INPP5K: variants seen among roughly 807,000 people sequenced by gnomAD.
INPP5K encodes the protein inositol polyphosphate-5-phosphatase K.
In INPP5K, 35 loss-of-function variants were observed where a neutral mutation model predicts 53.5. That is an observed-to-expected ratio of 0.65 (90% CI 0.50 to 0.87). The LOEUF is 0.87. INPP5K is among the 40% of genes least tolerant of loss of function. The pLI is 0.00. For missense variants in INPP5K, 550 were observed against 586.2 expected, an observed-to-expected ratio of 0.94 and a Z score of 0.64; for synonymous variants, 253 against 232.8, an observed-to-expected ratio of 1.09 and a Z score of -0.79.
intron 7 of INPP5K, among the ~76,000 whole-genome samples, chr17:1,499,251 G>A (rs562032864): frequency 3.3e-5 from 5 of 152,066 alleles, no homozygotes; most frequent in East Asian, 1.9e-4. Flanking sequence ...CGGTGCTCAC[G>A]CCTGTAATCC....
chr17:1,499,662 A>G (rs1474703157), intron 7 of INPP5K, among the ~76,000 whole-genome samples: 3 of 152,194 alleles, frequency 2.0e-5, no homozygotes, highest in Non-Finnish European at 4.4e-5. Flanking sequence ...TTCCGAAGCA[A>G]CTACTGTGGC....
chr17:1,496,256 C>T, intron 10 of INPP5K, 63 bp downstream of exon 10: 1 of 1,503,988 alleles, frequency 6.6e-7, no homozygotes, highest in African/African-American at 1.4e-5. Flanking sequence ...CTGTTCCTTC[C>T]ACAAGACAGG....
chr17:1,510,329 G>C (rs543325249), intron 3 of INPP5K: 3 of 152,314 alleles, frequency 2.0e-5, no homozygotes, highest in Admixed American at 6.5e-5. Context: ...TGATTCTCCT[G>C]TCTCAGCTTC....
chr17:1,499,251 G>C (rs562032864), intron 7 of INPP5K, among the ~76,000 whole-genome samples: 7 of 152,184 alleles, frequency 4.6e-5, no homozygotes, highest in Admixed American at 3.3e-4. Context: ...CGGTGCTCAC[G>C]CCTGTAATCC....
At chr17:1,504,006 C>T (rs542702431) in intron 7 of INPP5K, among the ~76,000 whole-genome samples, 1 of 152,334 alleles carries the variant, frequency 6.6e-6, no homozygotes, top group East Asian at 1.9e-4. Flanking sequence ...AACTCTGTGC[C>T]TCCTTCAAGA....
At chr17:1,507,864 T>G (rs74251973) in intron 6 of INPP5K, among the ~76,000 whole-genome samples, 17,997 of 152,074 alleles carry the variant, frequency 0.12, 1,181 homozygotes, top group East Asian at 0.14. Flanking sequence ...CTTTTTTAAA[T>G]AATTCATTTC....
chr17:1,505,551 C>G (rs1168705850), intron 7 of INPP5K, among the ~76,000 whole-genome samples: 1 of 152,168 alleles, frequency 6.6e-6, no homozygotes, highest in Non-Finnish European at 1.5e-5. Flanking sequence ...CCTTCCCCAG[C>G]GTCCACTGCC....
Position 1,503,442 on chromosome 17 carries a change from C to A in INPP5K, c.776+3538G>T, listed in dbSNP as rs372637768. Among the ~76,000 whole-genome samples, 10 of 152,252 alleles carry A rather than the reference C, an allele frequency of 6.6e-5. No individual in the cohort carries two copies. In the East Asian group the frequency reaches 1.9e-3, roughly 29 times the overall value. ...CTCGTGATCCACCCGCCTGGCCTCC[C>A]AAAGTGCTGGGATTTCAGGCGTGAG... On this transcript the variant is annotated intron_variant, in intron 7 of 11. Coordinates refer to ENST00000421807, the MANE Select transcript of INPP5K (RefSeq NM_016532.4).
intron 7 of INPP5K, among the ~76,000 whole-genome samples, chr17:1,498,372 T>C (rs1204719343): frequency 6.6e-6 from 1 of 152,128 alleles, no homozygotes; most frequent in East Asian, 1.9e-4. Flanking sequence ...TTTTTATGGA[T>C]CAAATTGTGA....
chr17:1,497,331 C>T (rs995013351), intron 8 of INPP5K, among the ~76,000 whole-genome samples: 1 of 152,128 alleles, frequency 6.6e-6, no homozygotes, highest in Non-Finnish European at 1.5e-5. Flanking sequence ...AACAGCCAGG[C>T]GTGGTGGCGT....
At chr17:1,503,900 C>A (rs1451615727) in intron 7 of INPP5K, among the ~76,000 whole-genome samples, 1 of 152,182 alleles carries the variant, frequency 6.6e-6, no homozygotes, top group Non-Finnish European at 1.5e-5. Flanking sequence ...GCCCAGCACA[C>A]TAACGCTCAC....
At position 1,509,663 on chromosome 17, in the gene INPP5K, G is replaced by A; in HGVS notation, c.378+20C>T. On this transcript the variant is annotated intron_variant, in intron 4 of 11. Transcript: ENST00000421807. ...CCAGCCCTTCCCAGCTCACGACTCAGACAATAGCTCAGTCCTTACCCAGTA... is the reference window on the plus strand; with the variant it reads ...CCAGCCCTTCCCAGCTCACGACTCAAACAATAGCTCAGTCCTTACCCAGTA... 6.8e-7 allele frequency: 1 copy of A among 1,467,842 alleles called. No homozygotes were observed. Among genetic ancestry groups the A allele is most frequent in the African/African-American group, 1.4e-5 (1 of 71,996 alleles). The allele number at this position is 1,467,842 out of a possible 1,614,324, so 90.9% of individuals were successfully genotyped here.
intron 10 of INPP5K, 72 bp downstream of exon 10, chr17:1,496,247 T>C: frequency 1.3e-6 from 2 of 1,494,026 alleles, no homozygotes; most frequent in East Asian, 2.4e-5. Context: ...TTCAGCACTC[T>C]GTTCCTTCCA....
At chr17:1,495,989 G>T in intron 11 of INPP5K, 71 bp downstream of exon 11, 1 of 1,413,052 alleles carries the variant, frequency 7.1e-7, no homozygotes, top group Non-Finnish European at 1.0e-6. Context: ...TGGCTCCCAG[G>T]CCTGGGCCTC....
At chr17:1,508,260 G>C (rs745850389) in intron 5 of INPP5K, 34 bp from the exon 6 acceptor site, 1 of 1,531,998 alleles carries the variant, frequency 6.5e-7, no homozygotes, top group Non-Finnish European at 9.0e-7. Flanking sequence ...CTGAGGATTT[G>C]TGATGAAGTC....
In INPP5K at chr17:1,516,524, G is replaced by T. The variant is rs1394329886; in HGVS notation, c.-25C>A. ...TGGCCGCCGTCGTCCCCGCGCGGTG[G>T]TCCGGCAGGTTCGCGTCTCCCGGCC... is the stretch of plus-strand genomic sequence containing the variant. On this transcript the variant is annotated 5_prime_UTR_variant, in exon 1 of 12. Coordinates refer to ENST00000421807, the MANE Select transcript of INPP5K (RefSeq NM_016532.4). 6.4e-7 allele frequency: 1 copy of T among 1,555,792 alleles called. No individual in the cohort carries two copies. The highest frequency in any genetic ancestry group is 1.8e-5 in the Admixed American group (1 of 54,874).
intron 8 of INPP5K, among the ~76,000 whole-genome samples, chr17:1,497,484 A>G (rs756754446): frequency 6.6e-6 from 1 of 152,006 alleles, no homozygotes; most frequent in Non-Finnish European, 1.5e-5. Flanking sequence ...ACACACACAC[A>G]CGCCAGTAAA....
At chr17:1,513,718 G>T (rs1464510476) in intron 2 of INPP5K, among the ~76,000 whole-genome samples, 154 bp downstream of exon 2, 2 of 152,248 alleles carry the variant, frequency 1.3e-5, no homozygotes, top group Non-Finnish European at 2.9e-5. Flanking sequence ...CTTTGCCGTT[G>T]CTGACCCGGG....
intron 7 of INPP5K, among the ~76,000 whole-genome samples, chr17:1,506,081 C>A (rs1213062209): frequency 6.6e-6 from 1 of 152,140 alleles, no homozygotes; most frequent in Non-Finnish European, 1.5e-5. Context: ...TGGAGTGCAG[C>A]GGTGAGATCT....
Sources: gnomAD v4.1 joint callset for allele counts (sites outside exome capture counted in the v4.1 genomes callset) on GRCh38, gnomAD v4.1.1 for gene constraint, MANE v1.5 for transcripts, NCBI Gene and HGNC (gene_info 2026-07-23, HGNC 2026-07-21) for gene names.